The following ZFP69 variants were observed in gnomAD, a reference collection of about 807,000 sequenced individuals.
ZFP69 encodes zinc finger protein 69 homolog.
A neutral mutation model predicts 48.9 loss-of-function variants in ZFP69; 35 were observed. The ratio of observed to expected loss-of-function variants is 0.72; its 90% CI spans 0.55 to 0.95. The LOEUF is 0.95. Ranked by LOEUF, ZFP69 falls within the 40% of genes least tolerant of loss-of-function variation. The pLI, the probability that ZFP69 is intolerant of heterozygous loss-of-function variation, is 0.00. For missense variants in ZFP69, 557 were observed against 638.4 expected (o/e 0.87, Z 1.37); for synonymous variants, 193 against 216.8 (o/e 0.89, Z 0.96).
At chr1:40,483,224 T>A (rs1435211248) in intron 3 of ZFP69, among the ~76,000 whole-genome samples, 1 of 141,116 alleles carries the variant, frequency 7.1e-6, no homozygotes, top group Non-Finnish European at 1.5e-5. Context: ...ACACCTTTTT[T>A]AATTTTTTTT....
In ZFP69 at chr1:40,479,489, G is replaced by A; in HGVS notation, c.127+1G>A. On this transcript the variant is annotated splice_donor_variant, in intron 2 of 5. Coordinates refer to ENST00000372706, the MANE Select transcript of ZFP69 (RefSeq NM_001320179.2). LOFTEE classifies it high-confidence loss of function. ...GTGACTAAAATGTTTGAAGGAGAAGGTGAGAATGGACTGATGGAGGGGGAA... is the reference window on the plus strand; with the variant it reads ...GTGACTAAAATGTTTGAAGGAGAAGATGAGAATGGACTGATGGAGGGGGAA... 6.2e-7 allele frequency: 1 copy of A among 1,611,960 alleles called. No individual in the cohort carries two copies. Among genetic ancestry groups the A allele is most frequent in the Non-Finnish European group, 8.5e-7 (1 of 1,178,774 alleles).
intron 3 of ZFP69, among the ~76,000 whole-genome samples, chr1:40,488,826 T>A (rs72950092): frequency 0.066 from 10,095 of 152,068 alleles, 558 homozygotes; most frequent in African/African-American, 0.15. Context: ...CTGCTTAATT[T>A]TTTTCTAAGG....
chr1:40,481,698 C>T, intron 2 of ZFP69, 65 bp from the exon 3 acceptor site: 1 of 1,339,898 alleles, frequency 7.5e-7, no homozygotes, highest in South Asian at 1.4e-5. Context: ...AGTGGGTCTG[C>T]AGGCAATTTC....
Position 40,479,187 on chromosome 1 carries a change from G to T in ZFP69, c.-175G>T. 2 of 741,588 alleles carry T rather than the reference G, an allele frequency of 2.7e-6. No individual in the cohort carries two copies. The highest frequency in any genetic ancestry group is 5.6e-5 in the East Asian group (2 of 35,474). 45.9% of individuals were successfully genotyped at this position (741,588 alleles called of 1,614,324 possible). On this transcript the variant is annotated 5_prime_UTR_variant, in exon 2 of 6. Coordinates refer to ENST00000372706, the MANE Select transcript of ZFP69 (RefSeq NM_001320179.2). ...AAAGGGGAGTTTGTTTTCCAGAATT[G>T]TTAAAGTCACATCAGTCTCTAGGAA...
Position 40,495,818 on chromosome 1 carries a change from C to G in ZFP69, c.1340C>G (p.Ala447Gly). The G allele has an allele frequency of 6.2e-7, 1 of 1,614,164 alleles. No homozygotes were observed. Among genetic ancestry groups the G allele is most frequent in the Middle Eastern group, 1.6e-4 (1 of 6,062 alleles). The change falls in exon 6 of 6, where the codon GCC becomes GGC. Residue 447 changes from alanine to glycine, a missense_variant. Ala to Gly is a moderately conservative substitution (Grantham distance 60). Coordinates refer to ENST00000372706, the MANE Select transcript of ZFP69 (RefSeq NM_001320179.2). Reference protein sequence around the residue: ...RPYKCKECGKAFRQRIHLSNH... With the variant: ...RPYKCKECGKGFRQRIHLSNH... ...TACAAATGTAAAGAATGTGGAAAAG[C>G]CTTTAGGCAGAGGATACACCTTAGC...
intron 3 of ZFP69, among the ~76,000 whole-genome samples, chr1:40,487,449 A>G (rs1167497168): frequency 6.6e-6 from 1 of 152,240 alleles, no homozygotes; most frequent in Non-Finnish European, 1.5e-5. Context: ...ATTTACTACC[A>G]TAAGAGATAC....
At chr1:40,494,239 G>A (rs897624224) in intron 5 of ZFP69, among the ~76,000 whole-genome samples, 1 of 145,562 alleles carries the variant, frequency 6.9e-6, no homozygotes, top group Non-Finnish European at 1.5e-5. Context: ...TATTAGAGCA[G>A]GACTAAAAGA....
intron 1 of ZFP69, among the ~76,000 whole-genome samples, chr1:40,478,492 TG>T (rs1422996946): frequency 2.0e-5 from 3 of 152,192 alleles, no homozygotes; most frequent in African/African-American, 4.8e-5. Context: ...GTGACGTGGC[TG>T]TCACTGCTTG....
At position 40,477,905 on chromosome 1, in the gene ZFP69, G is replaced by GTC. The variant is rs1303480673; in HGVS notation, c.-327+13_-327+14dup. The GTC allele has an allele frequency of 6.6e-6, 1 of 152,664 alleles. No individual in the cohort carries two copies. Among genetic ancestry groups the GTC allele is most frequent in the Non-Finnish European group, 1.5e-5 (1 of 68,266 alleles). The allele number at this position is 152,664 out of a possible 1,614,324, so 9.5% of individuals were successfully genotyped here. A position where few individuals can be genotyped will look rare whatever the true frequency, so the allele number is the denominator to read the frequency against. On this transcript the variant is annotated intron_variant, in intron 1 of 5. Transcript: ENST00000372706. This position sits in a 1 kb window ranked among gnomAD's most constrained non-coding sequence, Gnocchi z 4.0. ...TCCAAGGCCGATGTGGTGAGTAGGA[G>GTC]TCTGTGTGCAGTCTTTGAGTCCGAG... is the stretch of plus-strand genomic sequence containing the variant.
intron 2 of ZFP69, among the ~76,000 whole-genome samples, 176 bp from the exon 3 acceptor site, chr1:40,481,587 C>G (rs529691376): frequency 6.6e-6 from 1 of 152,082 alleles, no homozygotes; most frequent in African/African-American, 2.4e-5. Context: ...ATGCCCAAAG[C>G]GACTTGCAGC....
chr1:40,483,924 A>G (rs1246388614), intron 3 of ZFP69, among the ~76,000 whole-genome samples: 6 of 152,040 alleles, frequency 3.9e-5, no homozygotes, highest in African/African-American at 1.4e-4. Context: ...TACAAATACA[A>G]TATTAGCTGG....
At chr1:40,481,472 T>C (rs1645442653) in intron 2 of ZFP69, among the ~76,000 whole-genome samples, 1 of 152,206 alleles carries the variant, frequency 6.6e-6, no homozygotes. Context: ...TGGACCAGTA[T>C]TGACCATTGG....
intron 3 of ZFP69, among the ~76,000 whole-genome samples, chr1:40,487,617 G>A (rs938151728): frequency 2.0e-5 from 3 of 152,170 alleles, no homozygotes; most frequent in African/African-American, 7.2e-5. Context: ...GTATTAGTAT[G>A]ATAATTTTAT....
chr1:40,494,258 T>A (rs996780579), intron 5 of ZFP69, among the ~76,000 whole-genome samples: 12 of 11,510 alleles, frequency 1.0e-3, no homozygotes, highest in Non-Finnish European at 2.2e-3. Flanking sequence ...GATTCAAAAT[T>A]TTTTTTTTTT....
Position 40,495,098 on chromosome 1 carries a change from G to A in ZFP69, c.620G>A (p.Arg207Lys). ...VLERHQETCM[R>K]DVRQAILTHK... ...GAAAGGCACCAGGAAACTTGTATGA[G>A]AGATGTGAGACAAGCCATCTTGACC... Residue 207 changes from arginine to lysine, a missense_variant, in exon 6 of 6, where the codon AGA becomes AAA. Arg to Lys is a conservative substitution (Grantham distance 26). Transcript: ENST00000372706. 1 of 1,614,044 alleles carries A rather than the reference G, an allele frequency of 6.2e-7. No individual in the cohort carries two copies. Among genetic ancestry groups the A allele is most frequent in the Non-Finnish European group, 8.5e-7 (1 of 1,180,006 alleles).
chr1:40,494,748 C>G (rs1259899336), intron 5 of ZFP69, among the ~76,000 whole-genome samples, 173 bp from the exon 6 acceptor site: 1 of 145,886 alleles, frequency 6.9e-6, no homozygotes, highest in East Asian at 2.0e-4. Flanking sequence ...TATAAAATGA[C>G]ACTTTTAACC....
chr1:40,491,383 G>A (rs1039462206), intron 5 of ZFP69, among the ~76,000 whole-genome samples: 25 of 152,212 alleles, frequency 1.6e-4, no homozygotes, highest in African/African-American at 5.8e-4. Flanking sequence ...GCTGGTAGAA[G>A]CAAAATTGTT....
intron 2 of ZFP69, 109 bp downstream of exon 2, chr1:40,479,597 G>A: frequency 4.3e-6 from 6 of 1,379,318 alleles, no homozygotes; most frequent in Non-Finnish European, 5.7e-6. Context: ...GTCTCTGGGG[G>A]TTCATTCTTG....
chr1:40,488,350 A>G (rs1284956413), intron 3 of ZFP69, among the ~76,000 whole-genome samples: 6 of 152,136 alleles, frequency 3.9e-5, no homozygotes, highest in African/African-American at 1.4e-4. Flanking sequence ...ACAATTGCTG[A>G]GGGCTTTTCT....
Sources: allele counts gnomAD v4.1 joint callset (sites outside exome capture counted in the v4.1 genomes callset), GRCh38; gene constraint gnomAD v4.1.1; non-coding constraint Gnocchi (gnomAD v3.1); transcripts MANE v1.5; gene names NCBI Gene and HGNC (gene_info 2026-07-23, HGNC 2026-07-21).